Variants in TMEM132C observed in about 807,000 individuals in gnomAD.
TMEM132C encodes protein phosphatase 1, regulatory subunit 152.
Under a neutral mutation model 61.4 loss-of-function variants are expected in TMEM132C, and 29 were observed. The ratio of observed to expected loss-of-function variants is 0.47; its 90% CI spans 0.35 to 0.64. The LOEUF (loss-of-function observed/expected upper bound fraction) is 0.64. Ranked by LOEUF, TMEM132C falls within the 30% of genes least tolerant of loss-of-function variation. The probability of loss-of-function intolerance (pLI) is 0.00; values close to 1 mark genes in which losing one functional copy is unlikely to be tolerated. For synonymous variants in TMEM132C, 656 were observed against 633.1 expected (o/e 1.04, Z -0.54); for missense variants, 1,408 against 1,476.9 (o/e 0.95, Z 0.76).
At chr12:128,692,205 T>C (rs1191036465) in intron 5 of TMEM132C, among the ~76,000 whole-genome samples, 1 of 152,240 alleles carries the variant, frequency 6.6e-6, no homozygotes, top group Non-Finnish European at 1.5e-5. Context: ...CATCTGTTCA[T>C]CCTTTCCTCC....
At chr12:128,478,720 G>A (rs150694240) in intron 2 of TMEM132C, among the ~76,000 whole-genome samples, 1 of 152,174 alleles carries the variant, frequency 6.6e-6, no homozygotes, top group African/African-American at 2.4e-5. Context: ...GCAAAGGCAC[G>A]TAAGCCTCCT....
chr12:128,636,614 C>A (rs960520846), intron 4 of TMEM132C, among the ~76,000 whole-genome samples: 4 of 146,330 alleles, frequency 2.7e-5, no homozygotes, highest in African/African-American at 1.0e-4. Flanking sequence ...GTATTAAGAA[C>A]ACTTAACATG....
intron 1 of TMEM132C, among the ~76,000 whole-genome samples, chr12:128,292,879 T>C (rs1028935720): frequency 6.6e-6 from 1 of 152,166 alleles, no homozygotes; most frequent in South Asian, 2.1e-4. Flanking sequence ...CAGAATAGCA[T>C]AGAAATTCTA....
chr12:128,460,281 G>A (rs1056895187), intron 2 of TMEM132C, among the ~76,000 whole-genome samples: 2 of 152,148 alleles, frequency 1.3e-5, no homozygotes, highest in African/African-American at 4.8e-5. Context: ...GTGTCACCAG[G>A]ACTGCCTTTA....
chr12:128,436,788 A>C (rs1338480486), intron 2 of TMEM132C, among the ~76,000 whole-genome samples: 1 of 152,226 alleles, frequency 6.6e-6, no homozygotes, highest in Admixed American at 6.5e-5. Flanking sequence ...CAGCCATCCC[A>C]TTACTGGGTA....
intron 3 of TMEM132C, among the ~76,000 whole-genome samples, chr12:128,599,333 C>G (rs910913888): frequency 6.6e-6 from 1 of 152,208 alleles, no homozygotes; most frequent in Non-Finnish European, 1.5e-5. Context: ...GCTTGGTTTT[C>G]CTGCCTGATG....
At chr12:128,280,411 A>G (rs913438860) in intron 1 of TMEM132C, among the ~76,000 whole-genome samples, 5 of 152,196 alleles carry the variant, frequency 3.3e-5, no homozygotes, top group Admixed American at 1.3e-4. Flanking sequence ...TGTAGACAAG[A>G]GATTCTCAAA....
chr12:128,547,064 G>A (rs928815183), intron 3 of TMEM132C, among the ~76,000 whole-genome samples: 9 of 152,190 alleles, frequency 5.9e-5, no homozygotes, highest in Non-Finnish European at 7.3e-5. Flanking sequence ...AGCTTTCTTG[G>A]TAGCCGAGGA....
intron 1 of TMEM132C, among the ~76,000 whole-genome samples, chr12:128,325,583 T>C (rs1300587956): frequency 6.6e-6 from 1 of 152,218 alleles, no homozygotes; most frequent in Non-Finnish European, 1.5e-5. Context: ...TTACTTAAAA[T>C]GTGCAGTTTA....
intron 3 of TMEM132C, among the ~76,000 whole-genome samples, chr12:128,585,140 G>A (rs1245884464): frequency 1.3e-5 from 2 of 152,224 alleles, no homozygotes; most frequent in African/African-American, 2.4e-5. Context: ...ACAGGCCGTG[G>A]CTACTTTTTT....
At chr12:128,703,178 T>C (rs1199725725) in intron 8 of TMEM132C, among the ~76,000 whole-genome samples, 4 of 152,214 alleles carry the variant, frequency 2.6e-5, no homozygotes, top group African/African-American at 9.6e-5. Context: ...CAGGGGTACC[T>C]GTGCAGGTTT....
At chr12:128,329,049 C>A (rs986719248) in intron 1 of TMEM132C, among the ~76,000 whole-genome samples, 1 of 152,108 alleles carries the variant, frequency 6.6e-6, no homozygotes, top group Non-Finnish European at 1.5e-5. Flanking sequence ...CTACCCTAGG[C>A]CCCAGGACTT....
intron 1 of TMEM132C, among the ~76,000 whole-genome samples, chr12:128,318,970 C>G (rs926324144): frequency 1.3e-5 from 2 of 152,198 alleles, no homozygotes; most frequent in African/African-American, 4.8e-5. Context: ...CTTACTTCCC[C>G]TAGAGCTTAC....
At chr12:128,275,951 T>C (rs1025207460) in intron 1 of TMEM132C, among the ~76,000 whole-genome samples, 3 of 152,172 alleles carry the variant, frequency 2.0e-5, no homozygotes, top group African/African-American at 7.2e-5. Context: ...TGCTCTTGGC[T>C]TGTGGCAGCA....
At position 128,477,443 on chromosome 12, in the gene TMEM132C, A is replaced by G. The variant is rs115274901; in HGVS notation, c.974+61823A>G. ...GATAAGTCCATGGCTCAGCCCAGAG[A>G]TGGGAAATTGGACACCACCTCCACC... On this transcript the variant is annotated intron_variant, in intron 2 of 8. Transcript: ENST00000435159. 9.5e-3 allele frequency among the ~76,000 whole-genome samples: 1,440 copies of G among 152,300 alleles called. 26 individuals carry two copies. Among genetic ancestry groups the G allele is most frequent in the African/African-American group, 0.033 (1,371 of 41,564 alleles).
chr12:128,316,233 C>A (rs942654689), intron 1 of TMEM132C, among the ~76,000 whole-genome samples: 8 of 152,280 alleles, frequency 5.3e-5, no homozygotes, highest in African/African-American at 1.9e-4. Flanking sequence ...CAGGAACCCC[C>A]AGGGACCTTG....
intron 4 of TMEM132C, among the ~76,000 whole-genome samples, chr12:128,657,265 G>A (rs916220945): frequency 2.6e-5 from 4 of 152,072 alleles, no homozygotes; most frequent in Non-Finnish European, 5.9e-5. Flanking sequence ...TACAGAACTG[G>A]TTTCCCTGCT....
chr12:128,533,948 T>TACACAA (rs1873421770), intron 2 of TMEM132C, among the ~76,000 whole-genome samples: 1 of 145,676 alleles, frequency 6.9e-6, no homozygotes, highest in Admixed American at 6.8e-5. Context: ...CATGCGCACA[T>TACACAA]ACACACACAC....
At chr12:128,339,707 G>A (rs975007497) in intron 1 of TMEM132C, among the ~76,000 whole-genome samples, 1 of 151,762 alleles carries the variant, frequency 6.6e-6, no homozygotes, top group Non-Finnish European at 1.5e-5. Flanking sequence ...TGGCAGCAGT[G>A]CAGCCTGCAG....
Sources: allele counts gnomAD v4.1 joint callset (sites outside exome capture counted in the v4.1 genomes callset), GRCh38; gene constraint gnomAD v4.1.1; transcripts MANE v1.5; gene names NCBI Gene and HGNC (gene_info 2026-07-23, HGNC 2026-07-21).